Variants in VPS13B observed in about 807,000 individuals in gnomAD.
The protein encoded by VPS13B is vacuolar protein sorting 13 homolog B.
A neutral mutation model predicts 426.4 loss-of-function variants in VPS13B; 285 were observed. The ratio of observed to expected loss-of-function variants is 0.67; its 90% CI spans 0.61 to 0.74. The LOEUF (loss-of-function observed/expected upper bound fraction) is 0.74, where lower values mean the gene tolerates loss of function less well. Among genes scored for constraint, VPS13B ranks in the 30% least tolerant of loss-of-function variants. The pLI is 0.00. For synonymous variants in VPS13B, 1,676 were observed against 1,676.4 expected, an observed-to-expected ratio of 1.00 and a Z score of 0.01; for missense variants, 4,537 against 4,782.6, an observed-to-expected ratio of 0.95 and a Z score of 1.51.
chr8:99,276,137 C>T lies in VPS13B; in HGVS notation c.2824+883C>T, dbSNP rs899845150. 3.3e-5 allele frequency among the ~76,000 whole-genome samples: 5 copies of T among 152,026 alleles called. No individual in the cohort carries two copies. The South Asian group carries it at 1.0e-3, about 31-fold the overall frequency. On this transcript the variant is annotated intron_variant, in intron 19 of 61. Transcript: ENST00000357162. The stretch of plus-strand genomic sequence containing the variant: ...AGATTTGCAACTAACTGAGCAGAGA[C>T]TATGTAGAGGTAAATATTGAATAAA...
chr8:99,317,704 G>T (rs534387842), intron 19 of VPS13B, among the ~76,000 whole-genome samples: 38 of 151,892 alleles, frequency 2.5e-4, no homozygotes, highest in African/African-American at 8.7e-4. Context: ...AAAATATCTT[G>T]AATAATAATA....
intron 39 of VPS13B, among the ~76,000 whole-genome samples, chr8:99,753,055 C>G (rs1320345286): frequency 6.6e-6 from 1 of 152,030 alleles, no homozygotes; most frequent in African/African-American, 2.4e-5. Context: ...TTTTAACTTT[C>G]TGAACTTTAT....
intron 44 of VPS13B, among the ~76,000 whole-genome samples, chr8:99,812,962 T>G (rs1022883475): frequency 6.6e-6 from 1 of 152,160 alleles, no homozygotes. Context: ...AACCTGGAAA[T>G]GTGTATTAAA....
intron 16 of VPS13B, among the ~76,000 whole-genome samples, chr8:99,179,233 G>A (rs987705101): frequency 8.5e-5 from 13 of 152,110 alleles, no homozygotes; most frequent in African/African-American, 3.1e-4. Flanking sequence ...TTAGACAGGT[G>A]TTCTTAAATA....
At chr8:99,121,635 C>G in intron 8 of VPS13B, 190 bp downstream of exon 8, 1 of 1,372,956 alleles carries the variant, frequency 7.3e-7, no homozygotes. Flanking sequence ...CCCTTCCTGT[C>G]TTCTTAGGGC....
chr8:99,380,059 A>G (rs148380159), intron 19 of VPS13B, among the ~76,000 whole-genome samples: 1 of 152,258 alleles, frequency 6.6e-6, no homozygotes, highest in African/African-American at 2.4e-5. Flanking sequence ...CTTACATAGT[A>G]ACTTTTTCGG....
At chr8:99,409,227 G>A (rs1440953212) in intron 21 of VPS13B, among the ~76,000 whole-genome samples, 2 of 152,118 alleles carry the variant, frequency 1.3e-5, no homozygotes, top group Admixed American at 1.3e-4. Flanking sequence ...TGTGGAGTGA[G>A]AGATGAGGTC....
At chr8:99,628,315 CT>C (rs1158036987) in intron 33 of VPS13B, among the ~76,000 whole-genome samples, 3 of 152,118 alleles carry the variant, frequency 2.0e-5, no homozygotes, top group African/African-American at 7.2e-5. Context: ...TGGATTTTTC[CT>C]TTCAGCATTT....
intron 17 of VPS13B, among the ~76,000 whole-genome samples, chr8:99,219,416 AGTG>A (rs1203783018): frequency 2.0e-5 from 3 of 152,246 alleles, no homozygotes; most frequent in Non-Finnish European, 4.4e-5. Context: ...CTTGGCTTCA[AGTG>A]GCAAAATGAG....
At chr8:99,370,624 T>TTTTTTG in intron 19 of VPS13B, among the ~76,000 whole-genome samples, 2 of 148,670 alleles carry the variant, frequency 1.3e-5, no homozygotes, top group African/African-American at 5.0e-5. Flanking sequence ...TTTTTTTTTT[T>TTTTTTG]TTTGAGATGG....
chr8:99,351,431 A>AGTGTGTGTGTGTGTGTGT (rs1476078907), intron 19 of VPS13B, among the ~76,000 whole-genome samples: 3 of 147,620 alleles, frequency 2.0e-5, no homozygotes, highest in Admixed American at 6.7e-5. Flanking sequence ...AGAGAGAGAG[A>AGTGTGTGTGTGTGTGTGT]GAGAGTGTGT....
intron 15 of VPS13B, among the ~76,000 whole-genome samples, chr8:99,168,005 A>T (rs1812110813): frequency 6.6e-6 from 1 of 152,150 alleles, no homozygotes; most frequent in Non-Finnish European, 1.5e-5. Context: ...TTGACAAATT[A>T]TTAGCTTATA....
chr8:99,686,749 G>T (rs1360041759), intron 35 of VPS13B, among the ~76,000 whole-genome samples: 1 of 151,898 alleles, frequency 6.6e-6, no homozygotes, highest in African/African-American at 2.4e-5. Context: ...TCTCCTCAAG[G>T]CAATGAGCTC....
rs990424331 is a variant in VPS13B, at chr8:99,273,316, G to A, written c.2516-882G>A. Among the ~76,000 whole-genome samples the A allele has an allele frequency of 2.1e-5, 3 of 140,434 alleles. No homozygotes were observed. In the South Asian group the frequency reaches 7.6e-4, roughly 36 times the overall value. 92.1% of individuals were successfully genotyped at this position (140,434 alleles called of 152,430 possible). ...TCGGACCACAGGCGCATGCCACCAC[G>A]CCCAGCTAATTTTTGTACTTTTTTT... On this transcript the variant is annotated intron_variant, in intron 17 of 61. Coordinates refer to ENST00000357162, the MANE Select transcript of VPS13B (RefSeq NM_152564.5).
At chr8:99,688,129 C>CTTGCT (rs1831495454) in intron 35 of VPS13B, among the ~76,000 whole-genome samples, 1 of 138,102 alleles carries the variant, frequency 7.2e-6, no homozygotes, top group East Asian at 2.1e-4. Flanking sequence ...TGCTTCCTTG[C>CTTGCT]TTGCTTTTTT....
At chr8:99,132,715 G>A (rs1452662992) in intron 8 of VPS13B, among the ~76,000 whole-genome samples, 4 of 152,190 alleles carry the variant, frequency 2.6e-5, no homozygotes, top group Non-Finnish European at 5.9e-5. Context: ...TGTCATTTTA[G>A]CAGGCATGAA....
At chr8:99,166,349 T>C (rs1476169015) in intron 15 of VPS13B, among the ~76,000 whole-genome samples, 4 of 152,204 alleles carry the variant, frequency 2.6e-5, no homozygotes, top group Non-Finnish European at 5.9e-5. Flanking sequence ...TTTCACCTAA[T>C]TGGGATTTCA....
At chr8:99,657,470 T>TTGTG (rs34355540) in intron 34 of VPS13B, among the ~76,000 whole-genome samples, 3 of 146,900 alleles carry the variant, frequency 2.0e-5, no homozygotes, top group East Asian at 2.0e-4. Flanking sequence ...ACTTTAAAAA[T>TTGTG]TGTGTGTGTG....
rs370327492 is a variant in VPS13B, at chr8:99,631,456, G to A, written c.5221-10355G>A. ...GATTCCTTTAAAATTGGGTACAGTC[G>A]TGAGTGTCATGCCCCTATGGGAATA... On this transcript the variant is annotated intron_variant, in intron 33 of 61. Coordinates refer to ENST00000357162, the MANE Select transcript of VPS13B (RefSeq NM_152564.5). 4.6e-5 allele frequency among the ~76,000 whole-genome samples: 7 copies of A among 152,068 alleles called. No homozygotes were observed. In the South Asian group the frequency reaches 6.2e-4, roughly 13 times the overall value.
Sources: allele counts gnomAD v4.1 joint callset (sites outside exome capture counted in the v4.1 genomes callset), GRCh38; gene constraint gnomAD v4.1.1; transcripts MANE v1.5; gene names NCBI Gene and HGNC (gene_info 2026-07-23, HGNC 2026-07-21).